Variants in SLITRK3 observed in about 807,000 individuals in gnomAD.
SLITRK3 encodes the protein SLIT and NTRK like family member 3, also known as SLIT and NTRK-like protein 3.
A neutral mutation model predicts 63.6 loss-of-function variants in SLITRK3; 16 were observed. The ratio of observed to expected loss-of-function variants is 0.25; its 90% CI spans 0.17 to 0.38. The LOEUF (loss-of-function observed/expected upper bound fraction) is 0.38. Among genes scored for constraint, SLITRK3 ranks in the 10% least tolerant of loss-of-function variants. SLITRK3 has a pLI of 1.00. For missense variants in SLITRK3, 1,117 were observed against 1,181.4 expected (o/e 0.95, Z 0.80); for synonymous variants, 547 against 451.6 (o/e 1.21, Z -2.68).
At position 165,189,106 on chromosome 3, in the gene SLITRK3, C is replaced by T. The variant is rs201332269; in HGVS notation, c.1725G>A (p.Gln575=). Residue 575 remains glutamine, a synonymous_variant, in exon 2 of 2, where the codon CAG becomes CAA. Transcript: ENST00000475390. The surrounding 1 kb of genome is among the most constrained non-coding windows in gnomAD (Gnocchi z 4.0). The part of the protein sequence containing the change: ...DCTCDLVPFK[Q]WIETISSVSV... Reference sequence around the variant, plus strand: ...TGACTGAGCTGATGGTTTCGATCCACTGTTTAAAGGGGACCAGGTCACAGG... The same window carrying T: ...TGACTGAGCTGATGGTTTCGATCCATTGTTTAAAGGGGACCAGGTCACAGG... 2.6e-5 allele frequency: 42 copies of T among 1,614,202 alleles called. No individual in the cohort carries two copies. Among genetic ancestry groups the T allele is most frequent in the Non-Finnish European group, 3.6e-5 (42 of 1,180,032 alleles).
Position 165,188,916 on chromosome 3 carries a change from C to A in SLITRK3, c.1915G>T (p.Ala639Ser), listed in dbSNP as rs751983091. 1 of 1,614,142 alleles carries A rather than the reference C, an allele frequency of 6.2e-7. No individual in the cohort carries two copies. Among genetic ancestry groups the A allele is most frequent in the Admixed American group, 1.7e-5 (1 of 60,020 alleles). The change falls in exon 2 of 2, where the codon GCA (alanine) becomes TCA (serine). Residue 639 changes from alanine to serine, a missense_variant. Physicochemically the swap from Ala to Ser is moderately conservative, Grantham distance 99. This residue lies in a region of SLITRK3 where 499 missense variants were observed against 463.6 expected (regional missense o/e 1.08). Coordinates refer to ENST00000475390, the MANE Select transcript of SLITRK3 (RefSeq NM_001318810.2). ...DSHLIGAPTS[A>S]SPYEFSPPGG... is the part of the protein sequence containing the mutation. Reference sequence around the variant, plus strand: ...GGAGGAGAAAACTCATAAGGTGATGCACTGGTTGGTGCCCCAATAAGGTGA... The same window carrying A: ...GGAGGAGAAAACTCATAAGGTGATGAACTGGTTGGTGCCCCAATAAGGTGA...
Position 165,189,194 on chromosome 3 carries a change from C to A in SLITRK3, c.1637G>T (p.Gly546Val). 1 of 1,614,160 alleles carries A rather than the reference C, an allele frequency of 6.2e-7. No homozygotes were observed. Among genetic ancestry groups the A allele is most frequent in the Non-Finnish European group, 8.5e-7 (1 of 1,180,034 alleles). Residue 546 changes from glycine to valine, a missense_variant, in exon 2 of 2, where the codon GGT (glycine) becomes GTT (valine). Around this residue, in one of 4 missense-constraint regions of SLITRK3, gnomAD observed 158 missense variants for 197.2 expected, o/e 0.80. Coordinates refer to ENST00000475390, the MANE Select transcript of SLITRK3 (RefSeq NM_001318810.2). The surrounding 1 kb of genome is among the most constrained non-coding windows in gnomAD (Gnocchi z 4.0). ...AATGGCATTCAAGTGTTCCAGGACA[C>A]CAGCCACGGGAAGATAGAGGAAGTA... ...KNYFLYLPVAGVLEHLNAIVQ... is the reference protein window; with the variant it reads ...KNYFLYLPVAVVLEHLNAIVQ...
chr3:165,193,117 G>A (rs1332872549), intron 1 of SLITRK3, among the ~76,000 whole-genome samples: 1 of 151,416 alleles, frequency 6.6e-6, no homozygotes, highest in Non-Finnish European at 1.5e-5. Context: ...GTGTGTGTGT[G>A]TGTGTGTGTG....
At chr3:165,191,858 TG>T (rs1184439896) in intron 1 of SLITRK3, among the ~76,000 whole-genome samples, 1 of 152,226 alleles carries the variant, frequency 6.6e-6, no homozygotes, top group African/African-American at 2.4e-5. Flanking sequence ...TGCTGATAAA[TG>T]ATCTATCACA....
rs2108204915 is a variant in SLITRK3, at chr3:165,186,764, C to G, written c.*1133G>C. Reference sequence around the variant, plus strand: ...TTTATTAGGAAAGCTATACCAGAGGCATAATCACTATACAATGATTAAACA... The same window carrying G: ...TTTATTAGGAAAGCTATACCAGAGGGATAATCACTATACAATGATTAAACA... On this transcript the variant is annotated 3_prime_UTR_variant, in exon 2 of 2. Coordinates refer to ENST00000475390, the MANE Select transcript of SLITRK3 (RefSeq NM_001318810.2). 1 of 152,648 alleles carries G rather than the reference C, an allele frequency of 6.6e-6. No individual in the cohort carries two copies. The highest frequency in any genetic ancestry group is 1.9e-4 in the East Asian group (1 of 5,182). The allele number at this position is 152,648 out of a possible 1,614,324, so 9.5% of individuals were successfully genotyped here.
At chr3:165,194,274 T>C (rs983965300) in intron 1 of SLITRK3, among the ~76,000 whole-genome samples, 4 of 152,160 alleles carry the variant, frequency 2.6e-5, no homozygotes, top group Non-Finnish European at 2.9e-5. Context: ...CAAAAGCAAA[T>C]TTTAAAGCAA....
rs752317173 is a variant in SLITRK3 at position 165,189,870 on chromosome 3, C to T, written c.961G>A (p.Ala321Thr). ...SSMLSSVHFT[A>T]SSVEYKSSNK... ...GAGGACTTGTATTCGACAGAAGAAG[C>T]AGTAAAATGAACAGAGGATAGCATT... The change falls in exon 2 of 2, where the codon GCT becomes ACT. Residue 321 changes from alanine to threonine, a missense_variant. By Grantham distance (58) the Ala-to-Thr change is moderately conservative. Coordinates refer to ENST00000475390, the MANE Select transcript of SLITRK3 (RefSeq NM_001318810.2). The surrounding 1 kb of genome is among the most constrained non-coding windows in gnomAD (Gnocchi z 4.0). 3.0e-5 allele frequency: 49 copies of T among 1,613,966 alleles called. No individual in the cohort carries two copies. Among genetic ancestry groups the T allele is most frequent in the Non-Finnish European group, 4.0e-5 (47 of 1,180,040 alleles).
Position 165,188,307 on chromosome 3 carries a change from C to T in SLITRK3, c.2524G>A (p.Ala842Thr), listed in dbSNP as rs1013040886. Residue 842 changes from alanine to threonine, a missense_variant, in exon 2 of 2, where the codon GCA becomes ACA. Ala to Thr is a moderately conservative substitution (Grantham distance 58). Coordinates refer to ENST00000475390, the MANE Select transcript of SLITRK3 (RefSeq NM_001318810.2). ...TVNHHHPHHPAVGGVSGVVGG... is the reference protein window; with the variant it reads ...TVNHHHPHHPTVGGVSGVVGG... The stretch of plus-strand genomic sequence containing the variant: ...ACTACTCCTGAAACCCCACCAACTG[C>T]TGGGTGGTGAGGGTGATGGTGATTC... The T allele has an allele frequency of 8.1e-6, 13 of 1,614,036 alleles. No homozygotes were observed. Among genetic ancestry groups the T allele is most frequent in the Non-Finnish European group, 1.1e-5 (13 of 1,180,000 alleles).
rs186127905 is a variant in SLITRK3 at position 165,192,349 on chromosome 3, G to C, written c.-21-1498C>G. Reference sequence around the variant, plus strand: ...AGTGAAAAAGAGGGAGAGAGAAAAGGCTACATTGCAGTATCAATTAGTCTT... The same window carrying C: ...AGTGAAAAAGAGGGAGAGAGAAAAGCCTACATTGCAGTATCAATTAGTCTT... On this transcript the variant is annotated intron_variant, in intron 1 of 1. Transcript: ENST00000475390. 4.4e-4 allele frequency among the ~76,000 whole-genome samples: 67 copies of C among 152,146 alleles called. No individual in the cohort carries two copies. The East Asian group carries it at 0.011, about 25-fold the overall frequency.
In SLITRK3 at chr3:165,189,255, C is replaced by G. The variant is rs1324229895; in HGVS notation, c.1576G>C (p.Gly526Arg). Residue 526 changes from glycine (G) to arginine (R), a missense_variant, in exon 2 of 2, where the codon GGC becomes CGC. Coordinates refer to ENST00000475390, the MANE Select transcript of SLITRK3 (RefSeq NM_001318810.2). The surrounding 1 kb of genome is among the most constrained non-coding windows in gnomAD (Gnocchi z 4.0). ...AGGTTGAGCCGGGCCAGGGATGTGC[C>G]AGCAAAGGCGTCTGTTGGCAGAGTC... ...LRTLPTDAFA[G>R]TSLARLNLRK... 6.2e-7 allele frequency: 1 copy of G among 1,614,140 alleles called. No homozygotes were observed. The highest frequency in any genetic ancestry group is 8.5e-7 in the Non-Finnish European group (1 of 1,180,012).
In SLITRK3 at chr3:165,190,764, T is replaced by C; in HGVS notation, c.67A>G (p.Ile23Val). Reference protein sequence around the residue: ...RMLWIILLSTIALGWTTPIPL... With the variant: ...RMLWIILLSTVALGWTTPIPL... ...ATCGGGGTAGTCCATCCTAGAGCAA[T>C]TGTGCTTAGAAGAATTATCCACAAC... The change falls in exon 2 of 2, where the codon ATT (isoleucine) becomes GTT (valine). Residue 23 changes from isoleucine (I) to valine (V), a missense_variant. Ile to Val is a conservative substitution (Grantham distance 29, BLOSUM62 3). Coordinates refer to ENST00000475390, the MANE Select transcript of SLITRK3 (RefSeq NM_001318810.2). 1 of 1,613,214 alleles carries C rather than the reference T, an allele frequency of 6.2e-7. No homozygotes were observed.
At position 165,188,599 on chromosome 3, in the gene SLITRK3, G is replaced by A; in HGVS notation, c.2232C>T (p.Pro744=). The A allele has an allele frequency of 6.2e-7, 1 of 1,613,998 alleles. No individual in the cohort carries two copies. The highest frequency in any genetic ancestry group is 8.5e-7 in the Non-Finnish European group (1 of 1,180,000). Residue 744 remains proline (P), a synonymous_variant, in exon 2 of 2, where the codon CCC becomes CCT. Transcript: ENST00000475390. ...PPVGHVYEYI[P]HPVTQMCNNP... is the part of the protein sequence containing the mutation. ...TGTTGCACATTTGGGTAACCGGGTGGGGGATGTACTCATACACATGACCCA... is the reference window on the plus strand; with the variant it reads ...TGTTGCACATTTGGGTAACCGGGTGAGGGATGTACTCATACACATGACCCA...
chr3:165,189,247 G>A lies in SLITRK3; in HGVS notation c.1584C>T (p.Ser528=), dbSNP rs758485646. ...TLPTDAFAGT[S]LARLNLRKNY... ...TCTTCCTCAGGTTGAGCCGGGCCAG[G>A]GATGTGCCAGCAAAGGCGTCTGTTG... The change falls in exon 2 of 2, where the codon TCC becomes TCT. Residue 528 remains serine, a synonymous_variant. Coordinates refer to ENST00000475390, the MANE Select transcript of SLITRK3 (RefSeq NM_001318810.2). The surrounding 1 kb of genome is among the most constrained non-coding windows in gnomAD (Gnocchi z 4.0). 5.0e-6 allele frequency: 8 copies of A among 1,614,212 alleles called. No individual in the cohort carries two copies. Among genetic ancestry groups the A allele is most frequent in the South Asian group, 4.4e-5 (4 of 91,080 alleles).
At position 165,189,102 on chromosome 3, in the gene SLITRK3, T is replaced by C; in HGVS notation, c.1729A>G (p.Ile577Val). 1.2e-6 allele frequency: 2 copies of C among 1,614,188 alleles called. No homozygotes were observed. The highest frequency in any genetic ancestry group is 1.7e-6 in the Non-Finnish European group (2 of 1,180,030). The change falls in exon 2 of 2, where the codon ATC becomes GTC. Residue 577 changes from isoleucine to valine, a missense_variant. This residue lies in a region of SLITRK3 where 158 missense variants were observed against 197.2 expected (regional missense o/e 0.80). Coordinates refer to ENST00000475390, the MANE Select transcript of SLITRK3 (RefSeq NM_001318810.2). This position sits in a 1 kb window ranked among gnomAD's most constrained non-coding sequence, Gnocchi z 4.0. The part of the protein sequence containing the change: ...TCDLVPFKQW[I>V]ETISSVSVVG... ...ACACTGACTGAGCTGATGGTTTCGATCCACTGTTTAAAGGGGACCAGGTCA... is the reference window on the plus strand; with the variant it reads ...ACACTGACTGAGCTGATGGTTTCGACCCACTGTTTAAAGGGGACCAGGTCA...
chr3:165,188,268 C>A lies in SLITRK3; in HGVS notation c.2563G>T (p.Gly855Ter), dbSNP rs774310921. The A allele has an allele frequency of 6.2e-7, 1 of 1,613,744 alleles. No homozygotes were observed. The highest frequency in any genetic ancestry group is 1.7e-4 in the Middle Eastern group (1 of 6,060). ...GVSGVVGGTG[G>*]DLAGFRHHEK... ...TGGTGGCGGAACCCTGCCAAGTCTC[C>A]CCCAGTTCCCCCAACTACTCCTGAA... Residue 855 changes from glycine (G) to a stop codon, truncating the protein, a stop_gained, in exon 2 of 2, where the codon GGA becomes TGA. Transcript: ENST00000475390. LOFTEE classifies it high-confidence loss of function.
At chr3:165,191,239 T>C (rs961810215) in intron 1 of SLITRK3, among the ~76,000 whole-genome samples, 1 of 152,226 alleles carries the variant, frequency 6.6e-6, no homozygotes, top group Non-Finnish European at 1.5e-5. Flanking sequence ...TTAAAACTCA[T>C]GTTGACATCA....
Position 165,189,761 on chromosome 3 carries a change from T to A in SLITRK3, c.1070A>T (p.Gln357Leu), listed in dbSNP as rs983857723. Residue 357 changes from glutamine to leucine, a missense_variant, in exon 2 of 2, where the codon CAG (glutamine) becomes CTG (leucine). Coordinates refer to ENST00000475390, the MANE Select transcript of SLITRK3 (RefSeq NM_001318810.2). The surrounding 1 kb of genome is among the most constrained non-coding windows in gnomAD (Gnocchi z 4.0). ...TSQALYPGPN[Q>L]PPIAPYQTRP... ...GGTCTGATAAGGAGCAATGGGAGGC[T>A]GGTTTGGACCAGGATATAAAGCTTG... The A allele has an allele frequency of 2.5e-6, 4 of 1,614,168 alleles. 1 individual carries two copies. In the South Asian group the frequency reaches 4.4e-5, roughly 18 times the overall value.
At chr3:165,194,965 G>A in intron 1 of SLITRK3, among the ~76,000 whole-genome samples, 1 of 152,138 alleles carries the variant, frequency 6.6e-6, no homozygotes, top group East Asian at 1.9e-4. Context: ...AGCGCCCAGA[G>A]CCATTTGTTT....
At position 165,194,634 on chromosome 3, in the gene SLITRK3, C is replaced by T. The variant is rs548491705; in HGVS notation, c.-22+946G>A. Among the ~76,000 whole-genome samples, 31 of 152,244 alleles carry T rather than the reference C, an allele frequency of 2.0e-4. No individual in the cohort carries two copies. The East Asian group carries it at 6.0e-3, about 30-fold the overall frequency. On this transcript the variant is annotated intron_variant, in intron 1 of 1. Coordinates refer to ENST00000475390, the MANE Select transcript of SLITRK3 (RefSeq NM_001318810.2). Reference sequence around the variant, plus strand: ...CCCGCACCCTCCCCCCCATCCCCCGCCCAGCACTTTGGGTACCCAATGTGC... The same window carrying T: ...CCCGCACCCTCCCCCCCATCCCCCGTCCAGCACTTTGGGTACCCAATGTGC...
Sources: gnomAD v4.1 joint callset for allele counts (sites outside exome capture counted in the v4.1 genomes callset) on GRCh38, gnomAD v4.1.1 for gene constraint, gnomAD v4.1.1 regional missense constraint, Gnocchi (gnomAD v3.1) non-coding constraint, MANE v1.5 for transcripts, NCBI Gene and HGNC (gene_info 2026-07-23, HGNC 2026-07-21) for gene names.